CHST9: variants seen among roughly 807,000 people sequenced by gnomAD.
CHST9 encodes the protein GalNAc-4-sulfotransferase 2.
In CHST9, 41 loss-of-function variants were observed where a neutral mutation model predicts 44.4. That is an observed-to-expected ratio of 0.92 (90% confidence interval 0.72 to 1.20). The LOEUF (loss-of-function observed/expected upper bound fraction) is 1.20. Among genes scored for constraint, CHST9 ranks in the 50% most tolerant of loss-of-function variants. The pLI is 0.00. For missense variants in CHST9, 504 were observed against 516.5 expected (o/e 0.98, Z 0.23); for synonymous variants, 171 against 178.4 (o/e 0.96, Z 0.33).
intron 2 of CHST9, among the ~76,000 whole-genome samples, chr18:27,058,298 G>T (rs1029368454): frequency 2.6e-5 from 4 of 152,048 alleles, no homozygotes; most frequent in African/African-American, 9.7e-5. Flanking sequence ...TCTTTGGTGT[G>T]TTTATTATAT....
chr18:26,938,321 A>G (rs1398336724), intron 5 of CHST9, among the ~76,000 whole-genome samples: 5 of 152,276 alleles, frequency 3.3e-5, no homozygotes, highest in South Asian at 2.1e-4. Flanking sequence ...GTTAACCACC[A>G]TTAGTGTCAC....
chr18:27,026,994 G>A (rs1432227299), intron 3 of CHST9, among the ~76,000 whole-genome samples: 2 of 152,148 alleles, frequency 1.3e-5, no homozygotes, highest in African/African-American at 2.4e-5. Flanking sequence ...AAGTGAATAG[G>A]TCTAGAGCTT....
intron 2 of CHST9, among the ~76,000 whole-genome samples, chr18:27,075,806 TA>T (rs935388325): frequency 2.0e-5 from 3 of 152,090 alleles, no homozygotes; most frequent in African/African-American, 2.4e-5. Context: ...CCTAAATATT[TA>T]AAAAAAATCT....
intron 2 of CHST9, among the ~76,000 whole-genome samples, chr18:27,091,789 A>C (rs183043296): frequency 1.0e-3 from 157 of 152,272 alleles, no homozygotes; most frequent in Non-Finnish European, 1.3e-3. Flanking sequence ...CATTCCAGGG[A>C]TGAAGCCAAC....
chr18:26,956,533 C>T (rs534320473), intron 4 of CHST9, among the ~76,000 whole-genome samples: 107 of 150,106 alleles, frequency 7.1e-4, no homozygotes, highest in African/African-American at 2.5e-3. Flanking sequence ...TTTTGTGGTC[C>T]TAGTGGTTAT....
intron 4 of CHST9, among the ~76,000 whole-genome samples, chr18:26,969,077 C>T (rs2056503802): frequency 6.6e-6 from 1 of 151,062 alleles, no homozygotes. Context: ...CGGCTCACTG[C>T]AAGCTCCGCC....
chr18:27,183,935 G>A (rs1422631712), intron 1 of CHST9, among the ~76,000 whole-genome samples: 2 of 152,066 alleles, frequency 1.3e-5, no homozygotes, highest in South Asian at 2.1e-4. Flanking sequence ...ACTAAATATG[G>A]TCACAATGCA....
intron 1 of CHST9, among the ~76,000 whole-genome samples, chr18:27,177,289 T>C (rs1485007995): frequency 6.6e-6 from 1 of 151,974 alleles, no homozygotes; most frequent in Non-Finnish European, 1.5e-5. Context: ...ACTAAATTAA[T>C]TTAGATGATA....
intron 4 of CHST9, among the ~76,000 whole-genome samples, chr18:27,000,841 C>A (rs564142004): frequency 4.1e-4 from 62 of 152,268 alleles, no homozygotes; most frequent in African/African-American, 1.4e-3. Context: ...ATTACAGATA[C>A]CCATGTGGGT....
chr18:26,923,038 A>G (rs1008854017), intron 5 of CHST9, among the ~76,000 whole-genome samples: 4 of 152,220 alleles, frequency 2.6e-5, no homozygotes, highest in Admixed American at 1.3e-4. Flanking sequence ...TCTCCCCGTC[A>G]AAGTTGTTGA....
At chr18:26,945,703 T>C (rs1439443406) in intron 4 of CHST9, among the ~76,000 whole-genome samples, 3 of 152,198 alleles carry the variant, frequency 2.0e-5, no homozygotes, top group East Asian at 1.9e-4. Context: ...GTTTTGACTA[T>C]CATGAATAAA....
At chr18:27,164,034 C>G (rs2058770115) in intron 1 of CHST9, among the ~76,000 whole-genome samples, 1 of 152,150 alleles carries the variant, frequency 6.6e-6, no homozygotes, top group South Asian at 2.1e-4. Context: ...ATCATAAAAG[C>G]TGAAATGAAA....
At chr18:26,984,835 A>G (rs1249362633) in intron 4 of CHST9, among the ~76,000 whole-genome samples, 1 of 152,170 alleles carries the variant, frequency 6.6e-6, no homozygotes, top group Non-Finnish European at 1.5e-5. Flanking sequence ...CTAAGATGAA[A>G]AAGTGAACAA....
chr18:26,907,307 G>C lies in CHST9; in HGVS notation c.*8952C>G, dbSNP rs2055383344. ...GGTTCCTAACTCAGAAGATGGAGTAGATGGATGGTGTTGCCACCAAATAAG... is the reference window on the plus strand; with the variant it reads ...GGTTCCTAACTCAGAAGATGGAGTACATGGATGGTGTTGCCACCAAATAAG... On this transcript the variant is annotated 3_prime_UTR_variant, in exon 6 of 6. Coordinates refer to ENST00000618847, the MANE Select transcript of CHST9 (RefSeq NM_031422.6). The C allele has an allele frequency of 6.6e-6, 1 of 152,600 alleles. No homozygotes were observed. The highest frequency in any genetic ancestry group is 2.4e-5 in the African/African-American group (1 of 41,450). 9.5% of individuals were successfully genotyped at this position (152,600 alleles called of 1,614,324 possible).
At chr18:27,068,636 A>G (rs1213589873) in intron 2 of CHST9, among the ~76,000 whole-genome samples, 1 of 152,156 alleles carries the variant, frequency 6.6e-6, no homozygotes, top group African/African-American at 2.4e-5. Context: ...TTACCAACAT[A>G]CTACTAGGGT....
chr18:27,052,972 G>A (rs1339576015), intron 2 of CHST9, among the ~76,000 whole-genome samples: 1 of 151,600 alleles, frequency 6.6e-6, no homozygotes, highest in Non-Finnish European at 1.5e-5. Context: ...CCTAGTGCAT[G>A]CAGGGCTTAA....
At chr18:27,115,132 G>C (rs1413794590) in intron 2 of CHST9, among the ~76,000 whole-genome samples, 1 of 152,122 alleles carries the variant, frequency 6.6e-6, no homozygotes, top group Non-Finnish European at 1.5e-5. Flanking sequence ...TAAGTTTCTT[G>C]AGGCCTCCCT....
chr18:27,061,657 G>A (rs1190668033), intron 2 of CHST9, among the ~76,000 whole-genome samples: 1 of 147,920 alleles, frequency 6.8e-6, no homozygotes, highest in Non-Finnish European at 1.5e-5. Flanking sequence ...AAGGCCCGAG[G>A]AGTGTTCAAA....
intron 2 of CHST9, among the ~76,000 whole-genome samples, chr18:27,055,937 C>CGT (rs35128328): frequency 0.1 from 14,761 of 147,094 alleles, 790 homozygotes; most frequent in South Asian, 0.2. Context: ...TTCTCTCTTT[C>CGT]GTGTGTGTGT....
Sources: allele counts gnomAD v4.1 joint callset (sites outside exome capture counted in the v4.1 genomes callset), GRCh38; gene constraint gnomAD v4.1.1; transcripts MANE v1.5; gene names NCBI Gene and HGNC (gene_info 2026-07-23, HGNC 2026-07-21).